CLSTN2: variants seen among roughly 807,000 people sequenced by gnomAD.
The protein encoded by CLSTN2 is calsyntenin-2.
CLSTN2 carries 48 observed loss-of-function variants against 101.2 expected under a neutral mutation model. The ratio of observed to expected loss-of-function variants is 0.47; its 90% CI spans 0.38 to 0.60. The LOEUF (loss-of-function observed/expected upper bound fraction) is 0.60, where lower values mean the gene tolerates loss of function less well. CLSTN2 is among the 20% of genes least tolerant of loss of function. The pLI is 0.00. For synonymous variants in CLSTN2, 481 were observed against 463.6 expected (o/e 1.04, Z -0.48); for missense variants, 1,160 against 1,238.2 (o/e 0.94, Z 0.95).
chr3:140,338,241 CT>C (rs2087461300), intron 2 of CLSTN2, among the ~76,000 whole-genome samples: 2 of 152,156 alleles, frequency 1.3e-5, no homozygotes, highest in Admixed American at 1.3e-4. Flanking sequence ...CTTTAAGAAA[CT>C]TAGTGATAGA....
In CLSTN2 at chr3:140,484,324, A is replaced by G. The variant is rs1287520685; in HGVS notation, c.1344+17593A>G. ...TCTTCTGGCTTGTAGAGTTTCTGCC[A>G]AGAGATCAGCTGTTAGTCTGATGGG... On this transcript the variant is annotated intron_variant, in intron 8 of 16. Transcript: ENST00000458420. Among the ~76,000 whole-genome samples the G allele has an allele frequency of 2.6e-5, 4 of 152,194 alleles. No individual in the cohort carries two copies. In the East Asian group the frequency reaches 7.7e-4, roughly 29 times the overall value.
chr3:140,427,242 T>C (rs59485003), intron 5 of CLSTN2, among the ~76,000 whole-genome samples: 45,782 of 126,856 alleles, frequency 0.36, 9,697 homozygotes, highest in East Asian at 0.61. Flanking sequence ...TATATATATA[T>C]ATACATATAT....
intron 5 of CLSTN2, among the ~76,000 whole-genome samples, chr3:140,432,181 AG>A (rs764465796): frequency 0.21 from 32,369 of 151,894 alleles, 4,036 homozygotes; most frequent in East Asian, 0.47. Flanking sequence ...TTTCAGTCTC[AG>A]ATTTCAGTCT....
At chr3:139,983,384 G>T (rs1935967320) in intron 1 of CLSTN2, among the ~76,000 whole-genome samples, 1 of 152,074 alleles carries the variant, frequency 6.6e-6, no homozygotes. Context: ...GTCTCATCTG[G>T]AGAAATATGC....
Position 140,444,690 on chromosome 3 carries a change from T to C in CLSTN2, c.788-3829T>C, listed in dbSNP as rs181486035. 5.9e-5 allele frequency among the ~76,000 whole-genome samples: 9 copies of C among 152,310 alleles called. No individual in the cohort carries two copies. In the East Asian group the frequency reaches 1.7e-3, roughly 29 times the overall value. ...ATGGTCCTTGTGTTTGGTACTGAAA[T>C]GACTCTGCATGTAATCCCCCCAAAA... On this transcript the variant is annotated intron_variant, in intron 5 of 16. Coordinates refer to ENST00000458420, the MANE Select transcript of CLSTN2 (RefSeq NM_022131.3).
At chr3:140,042,483 G>A (rs1306449571) in intron 1 of CLSTN2, among the ~76,000 whole-genome samples, 2 of 152,072 alleles carry the variant, frequency 1.3e-5, no homozygotes, top group African/African-American at 4.8e-5. Context: ...ATCAGTTGAT[G>A]GGCCCTAGCC....
rs747711025 is a variant in CLSTN2, at chr3:140,566,121, A to G, written c.2736A>G (p.Glu912=). The G allele has an allele frequency of 1.2e-5, 20 of 1,612,122 alleles. 1 individual carries two copies. In the South Asian group the frequency reaches 2.2e-4, roughly 18 times the overall value. The change falls in exon 17 of 17, where the codon GAA becomes GAG. Residue 912 remains glutamate (E), a synonymous_variant. Coordinates refer to ENST00000458420, the MANE Select transcript of CLSTN2 (RefSeq NM_022131.3). The part of the protein sequence containing the change: ...EGEEEEEAEE[E]MSSSSGSDDS... ...AAGAGGAGGAAGAAGCCGAGGAAGA[A>G]ATGAGCTCCAGCAGTGGCTCTGACG...
At chr3:140,031,495 A>G (rs2007546866) in intron 1 of CLSTN2, among the ~76,000 whole-genome samples, 1 of 152,218 alleles carries the variant, frequency 6.6e-6, no homozygotes, top group Admixed American at 6.5e-5. Flanking sequence ...TAGGGCTGGT[A>G]TCCTTAGCTA....
chr3:140,223,786 A>G (rs2086295209), intron 2 of CLSTN2, among the ~76,000 whole-genome samples: 1 of 152,154 alleles, frequency 6.6e-6, no homozygotes, highest in Non-Finnish European at 1.5e-5. Flanking sequence ...ACCCTGCAAC[A>G]TGGATTCCTG....
At chr3:140,348,103 C>T (rs144667813) in intron 2 of CLSTN2, among the ~76,000 whole-genome samples, 1 of 152,272 alleles carries the variant, frequency 6.6e-6, no homozygotes, top group East Asian at 1.9e-4. Flanking sequence ...CAAAGTTTAC[C>T]AATTGTGGTC....
intron 1 of CLSTN2, among the ~76,000 whole-genome samples, chr3:140,124,430 G>C (rs866750650): frequency 6.6e-6 from 1 of 152,148 alleles, no homozygotes; most frequent in Non-Finnish European, 1.5e-5. Flanking sequence ...AATAGGCAAG[G>C]GATGATGCCA....
intron 1 of CLSTN2, among the ~76,000 whole-genome samples, chr3:139,957,752 C>T (rs533378890): frequency 6.6e-6 from 1 of 152,258 alleles, no homozygotes; most frequent in African/African-American, 2.4e-5. Context: ...CCTAAGTCAG[C>T]AGAGGACATG....
chr3:140,186,844 G>C (rs796738684), intron 2 of CLSTN2, among the ~76,000 whole-genome samples: 3 of 152,166 alleles, frequency 2.0e-5, no homozygotes, highest in African/African-American at 7.2e-5. Context: ...TAATGGAAAG[G>C]TGAATCCCAG....
intron 1 of CLSTN2, among the ~76,000 whole-genome samples, chr3:139,962,754 T>G (rs182946554): frequency 6.6e-6 from 1 of 152,336 alleles, no homozygotes. Flanking sequence ...CTGAATAGTA[T>G]TCCATCATCT....
At chr3:140,457,774 C>CT (rs1933441402) in intron 6 of CLSTN2, among the ~76,000 whole-genome samples, 1 of 152,100 alleles carries the variant, frequency 6.6e-6, no homozygotes, top group Non-Finnish European at 1.5e-5. Context: ...AACTGAGTGC[C>CT]TACTATGTGT....
chr3:140,273,602 C>T (rs186339134), intron 2 of CLSTN2, among the ~76,000 whole-genome samples: 7 of 152,194 alleles, frequency 4.6e-5, no homozygotes, highest in South Asian at 4.2e-4. Context: ...AGTGAACCAC[C>T]GTGTCAGAGC....
intron 2 of CLSTN2, among the ~76,000 whole-genome samples, chr3:140,246,435 G>A (rs2086518200): frequency 6.6e-6 from 1 of 152,082 alleles, no homozygotes; most frequent in Non-Finnish European, 1.5e-5. Context: ...GTTTGAGCCA[G>A]GTGAAGGAAT....
chr3:140,100,150 T>C (rs868562517), intron 1 of CLSTN2, among the ~76,000 whole-genome samples: 19 of 148,644 alleles, frequency 1.3e-4, no homozygotes, highest in African/African-American at 4.9e-4. Flanking sequence ...CATTTCTCTT[T>C]TTTTTTTTTT....
At position 140,175,963 on chromosome 3, in the gene CLSTN2, A is replaced by G; in HGVS notation, c.122A>G (p.Lys41Arg). ...CCTTATTTTCTAGTCAATAAGCACA[A>G]GCCATGGATCGAGACTTCATATCAT... ...RLLAAKVNKH[K>R]PWIETSYHGV... Residue 41 changes from lysine to arginine, a missense_variant, in exon 2 of 17, where the codon AAG becomes AGG. Physicochemically the swap from Lys to Arg is conservative, Grantham distance 26. Transcript: ENST00000458420. The G allele has an allele frequency of 6.2e-7, 1 of 1,612,696 alleles. No homozygotes were observed. Among genetic ancestry groups the G allele is most frequent in the Non-Finnish European group, 8.5e-7 (1 of 1,179,254 alleles).
Sources: gnomAD v4.1 joint callset for allele counts (sites outside exome capture counted in the v4.1 genomes callset) on GRCh38, gnomAD v4.1.1 for gene constraint, MANE v1.5 for transcripts, NCBI Gene and HGNC (gene_info 2026-07-23, HGNC 2026-07-21) for gene names.